Variants in POLR1F observed in about 807,000 individuals in gnomAD.
POLR1F encodes RNA polymerase I subunit F.
Under a neutral mutation model 21.8 loss-of-function variants are expected in POLR1F, and 23 were observed. The observed-to-expected ratio is 1.05, with a 90% confidence interval of 0.76 to 1.49. The LOEUF is 1.49. POLR1F is among the 40% of genes most tolerant of loss of function. The probability of loss-of-function intolerance (pLI) is 0.00; values close to 1 mark genes in which losing one functional copy is unlikely to be tolerated. For missense variants in POLR1F, 435 were observed against 412.1 expected, an observed-to-expected ratio of 1.06 and a Z score of -0.48; for synonymous variants, 162 against 152.8, an observed-to-expected ratio of 1.06 and a Z score of -0.45.
At position 19,704,936 on chromosome 7, in the gene POLR1F, G is replaced by C. The variant is rs751826648; in HGVS notation, c.255-16C>G. 4 of 1,549,260 alleles carry C rather than the reference G, an allele frequency of 2.6e-6. No individual in the cohort carries two copies. The highest frequency in any genetic ancestry group is 1.3e-5 in the South Asian group (1 of 79,578). ...ACCTAAAAGGCTGTAAAAAGAAAAA[G>C]TTGAAAATGATACCTTTTATCGTCT... On this transcript the variant is annotated splice_polypyrimidine_tract_variant and intron_variant, in intron 1 of 3. Coordinates refer to ENST00000222567, the MANE Select transcript of POLR1F (RefSeq NM_001002926.2).
In POLR1F at chr7:19,708,933, G is replaced by A; in HGVS notation, c.84C>T (p.Cys28=). The change falls in exon 1 of 4, where the codon TGC becomes TGT. Residue 28 remains cysteine (C), a synonymous_variant. Transcript: ENST00000222567. ...SLVGQAGVLP[C]LELPTYAAAC... ...CAGCGGCATAAGTCGGCAACTCTAG[G>A]CAAGGCAGGACGCCAGCCTGCCCTA... 1 of 1,613,552 alleles carries A rather than the reference G, an allele frequency of 6.2e-7. No individual in the cohort carries two copies. The highest frequency in any genetic ancestry group is 8.5e-7 in the Non-Finnish European group (1 of 1,179,864).
intron 2 of POLR1F, among the ~76,000 whole-genome samples, chr7:19,700,638 G>T (rs73274029): frequency 0.079 from 11,958 of 152,202 alleles, 695 homozygotes; most frequent in African/African-American, 0.16. Context: ...AGGGAGGACA[G>T]TATTACTCTT....
At chr7:19,700,302 G>T in intron 2 of POLR1F, 22 bp from the exon 3 acceptor site, 1 of 1,589,224 alleles carries the variant, frequency 6.3e-7, no homozygotes, top group South Asian at 1.1e-5. Context: ...AAGGAAGAAA[G>T]AGCGTAACAT....
Position 19,697,468 on chromosome 7 carries a change from TG to T in POLR1F, c.*847del, listed in dbSNP as rs1286365373. ...CAAGAGACATTCCACATTTTCTCAATGAAAGCAGTGAACAGAACAACTGTTT... is the reference window on the plus strand; with the variant it reads ...CAAGAGACATTCCACATTTTCTCAATAAAGCAGTGAACAGAACAACTGTTT... On this transcript the variant is annotated 3_prime_UTR_variant, in exon 4 of 4. Coordinates refer to ENST00000222567, the MANE Select transcript of POLR1F (RefSeq NM_001002926.2). The T allele has an allele frequency of 6.6e-6, 1 of 152,172 alleles. No homozygotes were observed. The highest frequency in any genetic ancestry group is 1.5e-5 in the Non-Finnish European group (1 of 67,996). 9.4% of individuals were successfully genotyped at this position (152,172 alleles called of 1,614,324 possible). A position where few individuals can be genotyped will look rare whatever the true frequency, so the allele number is the denominator to read the frequency against.
chr7:19,707,561 C>T (rs2128007429), intron 1 of POLR1F, among the ~76,000 whole-genome samples: 1 of 152,276 alleles, frequency 6.6e-6, no homozygotes, highest in East Asian at 1.9e-4. Flanking sequence ...AGTTCACATC[C>T]AGTATCCGTT....
At chr7:19,702,909 A>G (rs1439112655) in intron 2 of POLR1F, among the ~76,000 whole-genome samples, 1 of 152,210 alleles carries the variant, frequency 6.6e-6, no homozygotes, top group African/African-American at 2.4e-5. Context: ...GAAGTGTTGA[A>G]TGGGAAATCA....
chr7:19,706,574 C>T lies in POLR1F; in HGVS notation c.255-1654G>A, dbSNP rs80346915. ...CAGTCTGATACAATGAGGAAATGTC[C>T]TTCGCTCTGACTTTTGAATAAAAGG... On this transcript the variant is annotated intron_variant, in intron 1 of 3. Coordinates refer to ENST00000222567, the MANE Select transcript of POLR1F (RefSeq NM_001002926.2). 3.0e-4 allele frequency among the ~76,000 whole-genome samples: 45 copies of T among 152,270 alleles called. No individual in the cohort carries two copies. The East Asian group carries it at 8.3e-3, about 28-fold the overall frequency.
chr7:19,708,619 G>A (rs1375338141), intron 1 of POLR1F, 144 bp downstream of exon 1: 4 of 1,135,582 alleles, frequency 3.5e-6, no homozygotes, highest in East Asian at 4.8e-5. Flanking sequence ...CTTGAGGGAC[G>A]GATCGCGACT....
intron 1 of POLR1F, among the ~76,000 whole-genome samples, chr7:19,705,596 T>G (rs1783509880): frequency 6.6e-6 from 1 of 152,096 alleles, no homozygotes; most frequent in South Asian, 2.1e-4. Context: ...ATAGAGAAAA[T>G]CCCAAACTTC....
At position 19,697,396 on chromosome 7, in the gene POLR1F, T is replaced by A. The variant is rs1419911853; in HGVS notation, c.*920A>T. 1.3e-5 allele frequency: 2 copies of A among 152,134 alleles called. No individual in the cohort carries two copies. The highest frequency in any genetic ancestry group is 4.8e-5 in the African/African-American group (2 of 41,434). 9.4% of individuals were successfully genotyped at this position (152,134 alleles called of 1,614,324 possible). ...TGAATAAATATGGCCATGCATTGAT[T>A]ACCAGCTTCAACCAGCTTGTCATTT... On this transcript the variant is annotated 3_prime_UTR_variant, in exon 4 of 4. Transcript: ENST00000222567.
At position 19,696,104 on chromosome 7, in the gene POLR1F, C is replaced by A. The variant is rs959034821; in HGVS notation, c.*2212G>T. 2.6e-5 allele frequency: 4 copies of A among 151,822 alleles called. No homozygotes were observed. The highest frequency in any genetic ancestry group is 4.4e-5 in the Non-Finnish European group (3 of 67,880). The allele number at this position is 151,822 out of a possible 1,614,324, so 9.4% of individuals were successfully genotyped here. ...GCTATAGGGTTTGTATGAGCAAATT[C>A]CAAGATAGAAAAGATAGACTAGGTT... On this transcript the variant is annotated 3_prime_UTR_variant, in exon 4 of 4. Transcript: ENST00000222567.
At position 19,696,727 on chromosome 7, in the gene POLR1F, T is replaced by C. The variant is rs1187419455; in HGVS notation, c.*1589A>G. ...TTAATCTTTTTGCAGAAAAATAAAC[T>C]GAGAAAGGCTAAAATTGTTTTATTT... On this transcript the variant is annotated 3_prime_UTR_variant, in exon 4 of 4. Coordinates refer to ENST00000222567, the MANE Select transcript of POLR1F (RefSeq NM_001002926.2). 1 of 152,106 alleles carries C rather than the reference T, an allele frequency of 6.6e-6. No homozygotes were observed. Among genetic ancestry groups the C allele is most frequent in the African/African-American group, 2.4e-5 (1 of 41,446 alleles). 9.4% of individuals were successfully genotyped at this position (152,106 alleles called of 1,614,324 possible).
intron 1 of POLR1F, among the ~76,000 whole-genome samples, chr7:19,706,848 C>A (rs182789009): frequency 7.0e-4 from 107 of 152,294 alleles, no homozygotes; most frequent in Non-Finnish European, 2.9e-4. Flanking sequence ...GTGGTAGCCT[C>A]ACTTCAGTTC....
Position 19,704,846 on chromosome 7 carries a change from C to T in POLR1F, c.329G>A (p.Gly110Glu). The change falls in exon 2 of 4, where the codon GGA (glycine) becomes GAA (glutamate). Residue 110 changes from glycine (G) to glutamate (E), a missense_variant. By Grantham distance (98) the Gly-to-Glu change is moderately conservative (BLOSUM62 -2). Transcript: ENST00000222567. ...GGCTTCAATGTTAAGATGAATGTGT[C>T]CTTGATCATCATAAATATCTCCAAG... ...GELGDIYDDQ[G>E]HIHLNIEADF... The T allele has an allele frequency of 1.9e-6, 3 of 1,609,046 alleles. No homozygotes were observed. Among genetic ancestry groups the T allele is most frequent in the South Asian group, 2.2e-5 (2 of 89,564 alleles).
Position 19,700,055 on chromosome 7 carries a change from C to A in POLR1F, c.605+17G>T, listed in dbSNP as rs778644063. On this transcript the variant is annotated intron_variant, in intron 3 of 3. Coordinates refer to ENST00000222567, the MANE Select transcript of POLR1F (RefSeq NM_001002926.2). The stretch of plus-strand genomic sequence containing the variant: ...GAAATTAAGTACCTAGTGATAATTA[C>A]GTAATGATAAACTAACCTTGTGATA... 1 of 1,595,140 alleles carries A rather than the reference C, an allele frequency of 6.3e-7. No homozygotes were observed. Among genetic ancestry groups the A allele is most frequent in the East Asian group, 2.2e-5 (1 of 44,768 alleles).
chr7:19,708,703 G>A, intron 1 of POLR1F, 60 bp downstream of exon 1: 1 of 1,563,036 alleles, frequency 6.4e-7, no homozygotes, highest in Non-Finnish European at 8.7e-7. Context: ...TGCGTCGTCA[G>A]CACATCCACC....
chr7:19,704,217 CACAG>C (rs1783486033), intron 2 of POLR1F, among the ~76,000 whole-genome samples: 1 of 152,092 alleles, frequency 6.6e-6, no homozygotes, highest in South Asian at 2.1e-4. Flanking sequence ...TGTGTATACA[CACAG>C]AGAACTGCTG....
In POLR1F at chr7:19,696,839, G is replaced by GTAT. The variant is rs1198758238; in HGVS notation, c.*1474_*1476dup. On this transcript the variant is annotated 3_prime_UTR_variant, in exon 4 of 4. Coordinates refer to ENST00000222567, the MANE Select transcript of POLR1F (RefSeq NM_001002926.2). ...TTGGTACATCTTTAAAATCTGGTATGTATTTTATACTGACAGCACATCTCA... is the reference window on the plus strand; with the variant it reads ...TTGGTACATCTTTAAAATCTGGTATGTATTATTTTATACTGACAGCACATCTCA... 1 of 152,060 alleles carries GTAT rather than the reference G, an allele frequency of 6.6e-6. No individual in the cohort carries two copies. The highest frequency in any genetic ancestry group is 1.5e-5 in the Non-Finnish European group (1 of 67,932). The allele number at this position is 152,060 out of a possible 1,614,324, so 9.4% of individuals were successfully genotyped here. A position where few individuals can be genotyped will look rare whatever the true frequency, so the allele number is the denominator to read the frequency against.
Position 19,696,200 on chromosome 7 carries a change from G to C in POLR1F, c.*2116C>G, listed in dbSNP as rs531281524. On this transcript the variant is annotated 3_prime_UTR_variant, in exon 4 of 4. Transcript: ENST00000222567. ...ATCATCAGTCTTTCTGTGTCAGAAAGACAAACAAAAAAAACAATGAACAAA... is the reference window on the plus strand; with the variant it reads ...ATCATCAGTCTTTCTGTGTCAGAAACACAAACAAAAAAAACAATGAACAAA... 4 of 142,570 alleles carry C rather than the reference G, an allele frequency of 2.8e-5. No homozygotes were observed. The East Asian group carries it at 9.7e-4, about 35-fold the overall frequency. The allele number at this position is 142,570 out of a possible 1,614,324, so 8.8% of individuals were successfully genotyped here.
Sources: gnomAD v4.1 joint callset for allele counts (sites outside exome capture counted in the v4.1 genomes callset) on GRCh38, gnomAD v4.1.1 for gene constraint, MANE v1.5 for transcripts, NCBI Gene and HGNC (gene_info 2026-07-23, HGNC 2026-07-21) for gene names.